NFIB: variants seen among roughly 807,000 people sequenced by gnomAD.
The protein encoded by NFIB is nuclear factor I B.
Under a neutral mutation model 61.5 loss-of-function variants are expected in NFIB, and 11 were observed. The observed-to-expected ratio is 0.18, with a 90% confidence interval of 0.11 to 0.30. NFIB has a LOEUF of 0.30. NFIB is among the 10% of genes least tolerant of loss of function. The pLI, the probability that NFIB is intolerant of heterozygous loss-of-function variation, is 1.00. For missense variants in NFIB, 471 were observed against 608.9 expected, an observed-to-expected ratio of 0.77 and a Z score of 2.38; for synonymous variants, 260 against 216.5, an observed-to-expected ratio of 1.20 and a Z score of -1.76.
chr9:14,153,211 G>A (rs1415717947), intron 4 of NFIB, among the ~76,000 whole-genome samples: 1 of 152,060 alleles, frequency 6.6e-6, no homozygotes. Context: ...ACGGATTTAT[G>A]CATGAGCACT....
chr9:14,368,234 C>A (rs2061323951), intron 1 of NFIB, among the ~76,000 whole-genome samples: 1 of 151,064 alleles, frequency 6.6e-6, no homozygotes, highest in Non-Finnish European at 1.5e-5. Flanking sequence ...TTGAACTAGG[C>A]CAATGTTGAG....
intron 1 of NFIB, among the ~76,000 whole-genome samples, chr9:14,379,951 G>C (rs555542586): frequency 5.2e-4 from 79 of 152,062 alleles, no homozygotes; most frequent in African/African-American, 1.9e-3. Flanking sequence ...CCAAAGTACT[G>C]GGATTACAGG....
At chr9:14,447,748 G>C in the NFIB span, among the ~76,000 whole-genome samples, 2 of 152,000 alleles carry the variant, frequency 1.3e-5, no homozygotes, top group Admixed American at 6.6e-5. Context: ...TACCTTGGTG[G>C]GCTCTGGGAT....
intron 2 of NFIB, among the ~76,000 whole-genome samples, chr9:14,234,790 G>GA (rs911712419): frequency 1.5e-5 from 2 of 133,338 alleles, no homozygotes; most frequent in Admixed American, 8.2e-5. Context: ...TTTGTTCGTT[G>GA]AAATTTTTTT....
At chr9:14,280,214 C>T (rs1384608361) in intron 2 of NFIB, among the ~76,000 whole-genome samples, 1 of 152,124 alleles carries the variant, frequency 6.6e-6, no homozygotes, top group Non-Finnish European at 1.5e-5. Context: ...ATGCCTGTGT[C>T]CAAAGGCTGA....
the NFIB span, among the ~76,000 whole-genome samples, chr9:14,483,790 T>A: frequency 6.6e-6 from 1 of 152,340 alleles, no homozygotes; most frequent in East Asian, 1.9e-4. Context: ...GCACTTTGAT[T>A]CTTTGCTGAA....
chr9:14,309,854 A>T (rs1401816268), intron 1 of NFIB, among the ~76,000 whole-genome samples: 1 of 152,238 alleles, frequency 6.6e-6, no homozygotes, highest in East Asian at 1.9e-4. Flanking sequence ...ATATGCACTC[A>T]CAAAACTAAA....
At chr9:14,373,268 T>C (rs1242823977) in intron 1 of NFIB, among the ~76,000 whole-genome samples, 2 of 152,252 alleles carry the variant, frequency 1.3e-5, no homozygotes, top group African/African-American at 4.8e-5. Context: ...GAATTCTTTT[T>C]ACAGTGGTGT....
chr9:14,458,012 C>G, the NFIB span, among the ~76,000 whole-genome samples: 1 of 152,244 alleles, frequency 6.6e-6, no homozygotes, highest in South Asian at 2.1e-4. Context: ...CCCTAATTCA[C>G]TTTATGAGGC....
At chr9:14,221,679 G>A (rs1415021395) in intron 2 of NFIB, among the ~76,000 whole-genome samples, 3 of 152,156 alleles carry the variant, frequency 2.0e-5, no homozygotes, top group Non-Finnish European at 2.9e-5. Flanking sequence ...GCCAGGGTAA[G>A]ACCCACATTC....
intron 8 of NFIB, 101 bp from the exon 9 acceptor site, chr9:14,116,447 T>A (rs897245356): frequency 7.3e-6 from 9 of 1,232,320 alleles, no homozygotes; most frequent in Non-Finnish European, 9.5e-6. Flanking sequence ...TCCAGCACAC[T>A]GCGCATAGGC....
chr9:14,112,088 G>A lies in NFIB; in HGVS notation c.1467+911C>T, dbSNP rs149382849. On this transcript the variant is annotated intron_variant, in intron 10 of 10. Coordinates refer to ENST00000380953, the MANE Select transcript of NFIB (RefSeq NM_001190737.2). ...CAGGCAACTTATAAATAAAGAGCGA[G>A]TTAGTTAACACCAGCTCTTTATTAT... 6.2e-3 allele frequency among the ~76,000 whole-genome samples: 948 copies of A among 152,172 alleles called. 13 individuals are homozygous for A. The highest frequency in any genetic ancestry group is 0.022 in the African/African-American group (915 of 41,536).
upstream of NFIB, among the ~76,000 whole-genome samples, chr9:14,315,555 G>T (rs2060505151): frequency 7.0e-6 from 1 of 142,886 alleles, no homozygotes; most frequent in South Asian, 2.1e-4. Context: ...GCGGGCCGGC[G>T]GGCGCGCGCG....
chr9:14,272,692 C>CAAAAAA (rs61391471), intron 2 of NFIB, among the ~76,000 whole-genome samples: 1 of 67,228 alleles, frequency 1.5e-5, no homozygotes. Context: ...TCAATTCTCG[C>CAAAAAA]AAAAAAAAAA....
At chr9:14,230,883 G>C (rs1238364400) in intron 2 of NFIB, among the ~76,000 whole-genome samples, 1 of 151,840 alleles carries the variant, frequency 6.6e-6, no homozygotes, top group African/African-American at 2.4e-5. Context: ...TACTGCCCTG[G>C]AAAGCCCAGC....
At chr9:14,189,407 C>T (rs1054444928) in intron 2 of NFIB, among the ~76,000 whole-genome samples, 1 of 152,162 alleles carries the variant, frequency 6.6e-6, no homozygotes, top group African/African-American at 2.4e-5. Flanking sequence ...CAGTTTTCAT[C>T]TTGCCCAGTG....
intron 1 of NFIB, among the ~76,000 whole-genome samples, chr9:14,351,261 T>G (rs1184537334): frequency 6.6e-6 from 1 of 152,198 alleles, no homozygotes; most frequent in Non-Finnish European, 1.5e-5. Flanking sequence ...CCAATTCTCT[T>G]GGGCAGTGGG....
chr9:14,321,862 A>C (rs928839564), intron 1 of NFIB: 1 of 1,230,074 alleles, frequency 8.1e-7, no homozygotes. Context: ...AGGAAAAGAA[A>C]AACTGTGCCA....
chr9:14,404,900 C>T, the NFIB span, among the ~76,000 whole-genome samples: 2 of 152,286 alleles, frequency 1.3e-5, no homozygotes, highest in East Asian at 1.9e-4. Flanking sequence ...GGGGTGTTGT[C>T]CTCACTCATC....
Sources: gnomAD v4.1 joint callset for allele counts (sites outside exome capture counted in the v4.1 genomes callset) on GRCh38, gnomAD v4.1.1 for gene constraint, MANE v1.5 for transcripts, NCBI Gene and HGNC (gene_info 2026-07-23, HGNC 2026-07-21) for gene names.